The following RSBN1L variants were observed in gnomAD, a reference collection of about 807,000 sequenced individuals.
The protein encoded by RSBN1L is round spermatid basic protein 1 like, also known as lysine-specific demethylase RSBN1L.
A neutral mutation model predicts 67.7 loss-of-function variants in RSBN1L; 30 were observed. That is an observed-to-expected ratio of 0.44 (90% confidence interval 0.33 to 0.60). The LOEUF (loss-of-function observed/expected upper bound fraction) is 0.60, where lower values mean the gene tolerates loss of function less well. Ranked by LOEUF, RSBN1L falls within the 20% of genes least tolerant of loss-of-function variation. The pLI, the probability that RSBN1L is intolerant of heterozygous loss-of-function variation, is 0.02. For missense variants in RSBN1L, 992 were observed against 1,031.7 expected, an observed-to-expected ratio of 0.96 and a Z score of 0.53; for synonymous variants, 433 against 387.0, an observed-to-expected ratio of 1.12 and a Z score of -1.39.
intron 2 of RSBN1L, among the ~76,000 whole-genome samples, chr7:77,739,001 A>T (rs1191941140): frequency 6.6e-6 from 1 of 152,196 alleles, no homozygotes; most frequent in Non-Finnish European, 1.5e-5. Context: ...AGTGTGTAGT[A>T]CATAGATAAT....
intron 1 of RSBN1L, among the ~76,000 whole-genome samples, chr7:77,704,006 A>G (rs541800399): frequency 6.6e-5 from 10 of 152,202 alleles, no homozygotes; most frequent in Non-Finnish European, 1.5e-4. Flanking sequence ...TGATATTTTC[A>G]CAGGGTGATT....
At chr7:77,724,432 CTTTTTT>C (rs557313211) in intron 1 of RSBN1L, among the ~76,000 whole-genome samples, 1 of 136,438 alleles carries the variant, frequency 7.3e-6, no homozygotes, top group Non-Finnish European at 1.6e-5. Context: ...TTTCTTTTTT[CTTTTTT>C]TTTTTTTTTG....
chr7:77,752,490 A>T lies in RSBN1L; in HGVS notation c.1344+2426A>T, dbSNP rs774915273. 3.3e-5 allele frequency among the ~76,000 whole-genome samples: 5 copies of T among 152,278 alleles called. No individual in the cohort carries two copies. The East Asian group carries it at 9.7e-4, about 29-fold the overall frequency. The stretch of plus-strand genomic sequence containing the variant: ...TGATTTGTCCTTAGGCACTGGCTTT[A>T]TGAAACTGAATGGGATCCAGAAGAG... On this transcript the variant is annotated intron_variant, in intron 3 of 7. Coordinates refer to ENST00000334955, the MANE Select transcript of RSBN1L (RefSeq NM_198467.3).
chr7:77,749,765 A>G lies in RSBN1L; in HGVS notation c.1045A>G (p.Ile349Val), dbSNP rs758504244. The G allele has an allele frequency of 5.6e-6, 9 of 1,614,196 alleles. No individual in the cohort carries two copies. Among genetic ancestry groups the G allele is most frequent in the Non-Finnish European group, 6.8e-6 (8 of 1,180,018 alleles). ...RLDTLEFKQL[I>V]HIEHQPNGGA... ...GGACACTTTGGAATTTAAACAACTC[A>G]TTCATATAGAGCACCAGCCTAATGG... Residue 349 changes from isoleucine to valine, a missense_variant, in exon 3 of 8, where the codon ATT (isoleucine) becomes GTT (valine). Coordinates refer to ENST00000334955, the MANE Select transcript of RSBN1L (RefSeq NM_198467.3).
chr7:77,769,621 A>G (rs554181493), intron 5 of RSBN1L, among the ~76,000 whole-genome samples: 5 of 152,224 alleles, frequency 3.3e-5, no homozygotes, highest in Admixed American at 1.3e-4. Context: ...GACATCAACA[A>G]TGAGGTTCAA....
rs117089443 is a variant in RSBN1L, at chr7:77,747,955, A to G, written c.704-1469A>G. On this transcript the variant is annotated intron_variant, in intron 2 of 7. Transcript: ENST00000334955. ...CTTTCAGTCACATCAAATGGATAGA[A>G]AAGAGTTCATTTGTAAATAATGAGC... Among the ~76,000 whole-genome samples the G allele has an allele frequency of 9.1e-3, 1,387 of 152,186 alleles. 8 individuals are homozygous for G. The highest frequency in any genetic ancestry group is 0.013 in the Non-Finnish European group (898 of 67,992).
chr7:77,740,992 T>C (rs890410032), intron 2 of RSBN1L, among the ~76,000 whole-genome samples: 3 of 149,014 alleles, frequency 2.0e-5, no homozygotes, highest in African/African-American at 7.4e-5. Flanking sequence ...TTTCTTTTTT[T>C]TTTTTTTTTT....
intron 1 of RSBN1L, 151 bp downstream of exon 1, chr7:77,697,206 A>G (rs1290292870): frequency 3.6e-6 from 3 of 840,006 alleles, no homozygotes; most frequent in East Asian, 7.0e-5. Flanking sequence ...AGGATTTTGC[A>G]GTTCCCAAGG....
intron 5 of RSBN1L, among the ~76,000 whole-genome samples, chr7:77,769,429 C>A (rs567695138): frequency 3.9e-5 from 6 of 152,258 alleles, no homozygotes; most frequent in African/African-American, 1.4e-4. Context: ...ATGAATAATG[C>A]TGGCATATTT....
At chr7:77,733,148 A>C (rs909005209) in intron 1 of RSBN1L, among the ~76,000 whole-genome samples, 7 of 152,186 alleles carry the variant, frequency 4.6e-5, no homozygotes, top group Non-Finnish European at 7.3e-5. Context: ...AAAATAAAGA[A>C]TAAAAGACTG....
At chr7:77,772,814 A>G (rs893009899) in intron 5 of RSBN1L, among the ~76,000 whole-genome samples, 2 of 152,220 alleles carry the variant, frequency 1.3e-5, no homozygotes, top group Non-Finnish European at 2.9e-5. Context: ...TTTCAGATAT[A>G]TATCTATCTT....
Position 77,779,054 on chromosome 7 carries a change from C to A in RSBN1L, c.2427C>A (p.Ser809Arg). ...ACATGGATTCTAAATTTGAAAATAGCAACAAAGATTTAAAGGAAGAATTGT... is the reference window on the plus strand; with the variant it reads ...ACATGGATTCTAAATTTGAAAATAGAAACAAAGATTTAAAGGAAGAATTGT... Reference protein sequence around the residue: ...KIDMDSKFENSNKDLKEELCP... With the variant: ...KIDMDSKFENRNKDLKEELCP... Residue 809 changes from serine to arginine, a missense_variant, in exon 8 of 8, where the codon AGC (serine) becomes AGA (arginine). Physicochemically the swap from Ser to Arg is moderately radical, Grantham distance 110. Coordinates refer to ENST00000334955, the MANE Select transcript of RSBN1L (RefSeq NM_198467.3). The A allele has an allele frequency of 6.2e-7, 1 of 1,613,692 alleles. No homozygotes were observed. The highest frequency in any genetic ancestry group is 1.1e-5 in the South Asian group (1 of 91,074).
intron 1 of RSBN1L, among the ~76,000 whole-genome samples, chr7:77,723,814 A>T (rs1320963486): frequency 6.6e-6 from 1 of 151,922 alleles, no homozygotes; most frequent in Non-Finnish European, 1.5e-5. Context: ...CATGCCTGTA[A>T]TCCCAGCTAC....
intron 3 of RSBN1L, among the ~76,000 whole-genome samples, chr7:77,763,430 A>C (rs1342355068): frequency 1.3e-5 from 2 of 152,232 alleles, no homozygotes; most frequent in Admixed American, 1.3e-4. Flanking sequence ...AGAATCACTT[A>C]ACAGACTTGA....
In RSBN1L at chr7:77,779,150, CGAT is replaced by C. The variant is rs1791960545; in HGVS notation, c.2526_2528del (p.Asp843del). On this transcript the variant is annotated inframe_deletion, in exon 8 of 8. Coordinates refer to ENST00000334955, the MANE Select transcript of RSBN1L (RefSeq NM_198467.3). Reference sequence around the variant, plus strand: ...CACATTCAAATCAAGATAAAAAAGACGATGACATTTTGTGCTAAATTTGCATAT... The same window carrying C: ...CACATTCAAATCAAGATAAAAAAGACGACATTTTGTGCTAAATTTGCATAT... The C allele has an allele frequency of 6.3e-7, 1 of 1,580,782 alleles. No homozygotes were observed. Among genetic ancestry groups the C allele is most frequent in the East Asian group, 2.2e-5 (1 of 44,586 alleles).
chr7:77,760,342 C>T (rs1791683508), intron 3 of RSBN1L, among the ~76,000 whole-genome samples: 1 of 151,890 alleles, frequency 6.6e-6, no homozygotes, highest in Admixed American at 6.6e-5. Flanking sequence ...TTTCTTTTTT[C>T]CCTTCATAAT....
intron 1 of RSBN1L, among the ~76,000 whole-genome samples, chr7:77,735,272 A>C (rs1476168261): frequency 1.3e-5 from 2 of 152,224 alleles, no homozygotes; most frequent in African/African-American, 4.8e-5. Flanking sequence ...TTTCAAATTG[A>C]GATGTGTCAT....
chr7:77,723,241 C>T (rs1185372882), intron 1 of RSBN1L, among the ~76,000 whole-genome samples: 2 of 152,072 alleles, frequency 1.3e-5, no homozygotes, highest in Admixed American at 6.5e-5. Context: ...GCTGGGATTA[C>T]AGGTGTGAGC....
intron 3 of RSBN1L, among the ~76,000 whole-genome samples, chr7:77,755,797 G>A (rs753812354): frequency 6.6e-6 from 1 of 152,114 alleles, no homozygotes; most frequent in Admixed American, 6.5e-5. Flanking sequence ...TGATAAACCC[G>A]TAATAAAGTC....
Sources: allele counts gnomAD v4.1 joint callset (sites outside exome capture counted in the v4.1 genomes callset), GRCh38; gene constraint gnomAD v4.1.1; transcripts MANE v1.5; gene names NCBI Gene and HGNC (gene_info 2026-07-23, HGNC 2026-07-21).